PRKAG2: variants seen among roughly 807,000 people sequenced by gnomAD.
PRKAG2 encodes the protein 5'-AMP-activated protein kinase subunit gamma-2.
Under a neutral mutation model 69.6 loss-of-function variants are expected in PRKAG2, and 26 were observed. The ratio of observed to expected loss-of-function variants is 0.37; its 90% confidence interval spans 0.27 to 0.52. The LOEUF (loss-of-function observed/expected upper bound fraction) is 0.52, where lower values mean the gene tolerates loss of function less well. Ranked by LOEUF, PRKAG2 falls within the 20% of genes least tolerant of loss-of-function variation. The probability of loss-of-function intolerance (pLI) is 0.90; values close to 1 mark genes in which losing one functional copy is unlikely to be tolerated. For missense variants in PRKAG2, 557 were observed against 740.0 expected (o/e 0.75, Z 2.87); for synonymous variants, 293 against 285.0 (o/e 1.03, Z -0.28).
At chr7:151,631,906 C>T (rs1423403035) in intron 5 of PRKAG2, 163 bp downstream of exon 5, 1 of 679,784 alleles carries the variant, frequency 1.5e-6, no homozygotes, top group Non-Finnish European at 2.1e-6. Flanking sequence ...CTCGCCGGCG[C>T]CCGCATCCCC....
chr7:151,782,686 C>T (rs1283057353), intron 2 of PRKAG2, among the ~76,000 whole-genome samples: 1 of 152,190 alleles, frequency 6.6e-6, no homozygotes, highest in Non-Finnish European at 1.5e-5. Context: ...CCAACCTGGG[C>T]ATGTTACTTG....
At position 151,756,690 on chromosome 7, in the gene PRKAG2, C is replaced by A. The variant is rs990856104; in HGVS notation, c.466+24462G>T. Among the ~76,000 whole-genome samples, 1 of 152,176 alleles carries A rather than the reference C, an allele frequency of 6.6e-6. No homozygotes were observed. The highest frequency in any genetic ancestry group is 6.5e-5 in the Admixed American group (1 of 15,288). The stretch of plus-strand genomic sequence containing the variant: ...GTTCCAGCCCCGCCAGGGCTCCCAG[C>A]GCCGCCCTCTTCCCTTCTCCCACCT... On this transcript the variant is annotated intron_variant, in intron 3 of 15. Coordinates refer to ENST00000287878, the MANE Select transcript of PRKAG2 (RefSeq NM_016203.4). This position sits in a 1 kb window ranked among gnomAD's most constrained non-coding sequence, Gnocchi z 4.9.
At chr7:151,559,022 C>T (rs1168755242) in intron 15 of PRKAG2, 64 of 985,302 alleles carry the variant, frequency 6.5e-5, no homozygotes, top group Non-Finnish European at 7.5e-5. Context: ...GGGCTGGAAA[C>T]GGGGCATCTT....
intron 3 of PRKAG2, among the ~76,000 whole-genome samples, chr7:151,683,619 G>A (rs977730673): frequency 2.0e-5 from 3 of 152,204 alleles, no homozygotes; most frequent in Non-Finnish European, 4.4e-5. Flanking sequence ...TGCTTATACA[G>A]GGTTTTGAAA....
chr7:151,842,764 ATGGTAGGTAGTGATAGTAAGTAGCGG>A (rs1217744645), intron 1 of PRKAG2, among the ~76,000 whole-genome samples: 2 of 151,696 alleles, frequency 1.3e-5, no homozygotes, highest in Non-Finnish European at 2.9e-5. Context: ...ATGGGTAGTG[ATGGTAGGTAGTGATAGTAAGTAGCGG>A]TGGTAGCATG....
intron 6 of PRKAG2, among the ~76,000 whole-genome samples, chr7:151,590,864 T>A (rs1179072083): frequency 6.6e-6 from 1 of 152,242 alleles, no homozygotes; most frequent in Non-Finnish European, 1.5e-5. Flanking sequence ...TATGAGAAAT[T>A]GTTCATTAAC....
intron 3 of PRKAG2, among the ~76,000 whole-genome samples, chr7:151,721,336 A>G (rs894561669): frequency 6.6e-6 from 1 of 152,062 alleles, no homozygotes; most frequent in Non-Finnish European, 1.5e-5. Context: ...CCTTCTGCCT[A>G]CAACTGGAGC....
At chr7:151,598,838 CAATT>C (rs1815274654) in intron 5 of PRKAG2, among the ~76,000 whole-genome samples, 3 of 150,438 alleles carry the variant, frequency 2.0e-5, no homozygotes, top group East Asian at 3.9e-4. Flanking sequence ...AGCTAATTGA[CAATT>C]TATTTTTTTA....
chr7:151,762,282 C>T (rs1438526665), intron 3 of PRKAG2, among the ~76,000 whole-genome samples: 4 of 152,320 alleles, frequency 2.6e-5, no homozygotes, highest in East Asian at 1.9e-4. Flanking sequence ...AATGACTTTC[C>T]GCAGTAGGCA....
chr7:151,839,112 G>A (rs2079216954), intron 1 of PRKAG2, among the ~76,000 whole-genome samples: 1 of 151,964 alleles, frequency 6.6e-6, no homozygotes, highest in Admixed American at 6.6e-5. Context: ...TTTCCTGAAC[G>A]GCTAGGCAGG....
chr7:151,663,507 C>T (rs576846906), intron 4 of PRKAG2, among the ~76,000 whole-genome samples: 5 of 152,162 alleles, frequency 3.3e-5, no homozygotes, highest in Non-Finnish European at 7.3e-5. Context: ...GGACTACAGG[C>T]GTGCACCACC....
chr7:151,697,576 C>A (rs1836898881), intron 3 of PRKAG2, among the ~76,000 whole-genome samples: 1 of 152,148 alleles, frequency 6.6e-6, no homozygotes, highest in South Asian at 2.1e-4. Flanking sequence ...ATGCCCAACC[C>A]TCATAAGGTC....
Position 151,832,252 on chromosome 7 carries a change from GGAGGAGGGAAGGA to G in PRKAG2, c.114+44242_114+44254del, listed in dbSNP as rs2079047864. Among the ~76,000 whole-genome samples the G allele has an allele frequency of 5.6e-5, 2 of 35,730 alleles. 1 individual carries two copies. Among genetic ancestry groups the G allele is most frequent in the African/African-American group, 1.3e-4 (2 of 15,960 alleles). The allele number at this position is 35,730 out of a possible 152,430, so 23.4% of individuals were successfully genotyped here. Reference sequence around the variant, plus strand: ...GGAAGGAGAGGAGGAGGGAAGGAAGGGAGGAGGGAAGGAAGGGAGGAGGGAAGGAAGGGAGGAG... The same window carrying G: ...GGAAGGAGAGGAGGAGGGAAGGAAGGAGGGAGGAGGGAAGGAAGGGAGGAG... On this transcript the variant is annotated intron_variant, in intron 1 of 15. Coordinates refer to ENST00000287878, the MANE Select transcript of PRKAG2 (RefSeq NM_016203.4).
intron 1 of PRKAG2, among the ~76,000 whole-genome samples, chr7:151,797,851 C>T (rs1196446139): frequency 5.9e-5 from 9 of 152,228 alleles, no homozygotes; most frequent in Admixed American, 3.9e-4. Flanking sequence ...GCTCTTCACA[C>T]TGACAGTCCC....
intron 3 of PRKAG2, among the ~76,000 whole-genome samples, chr7:151,779,351 C>A (rs992913109): frequency 6.6e-6 from 1 of 152,222 alleles, no homozygotes; most frequent in African/African-American, 2.4e-5. Context: ...CACTGCTGGG[C>A]TCCCAAAGGG....
chr7:151,580,375 C>T (rs1046442636), intron 6 of PRKAG2, among the ~76,000 whole-genome samples: 1 of 151,972 alleles, frequency 6.6e-6, no homozygotes, highest in Non-Finnish European at 1.5e-5. Context: ...TTAAGGAGTC[C>T]TCTGCACTGA....
intron 1 of PRKAG2, among the ~76,000 whole-genome samples, chr7:151,831,150 G>A (rs1353239465): frequency 1.3e-5 from 2 of 152,132 alleles, no homozygotes; most frequent in Non-Finnish European, 2.9e-5. Context: ...AATGTAAAAG[G>A]GTGCTGCCAG....
At position 151,777,779 on chromosome 7, in the gene PRKAG2, T is replaced by C. The variant is rs973625552; in HGVS notation, c.466+3373A>G. Among the ~76,000 whole-genome samples, 10 of 152,286 alleles carry C rather than the reference T, an allele frequency of 6.6e-5. No individual in the cohort carries two copies. Among genetic ancestry groups the C allele is most frequent in the Admixed American group, 5.9e-4 (9 of 15,304 alleles). On this transcript the variant is annotated intron_variant, in intron 3 of 15. Coordinates refer to ENST00000287878, the MANE Select transcript of PRKAG2 (RefSeq NM_016203.4). This position sits in a 1 kb window ranked among gnomAD's most constrained non-coding sequence, Gnocchi z 4.3. Reference sequence around the variant, plus strand: ...TTTAATTTGAAAGCAAGGATGATAATAGTACCTCCCTGAAACCAACTGTTC... The same window carrying C: ...TTTAATTTGAAAGCAAGGATGATAACAGTACCTCCCTGAAACCAACTGTTC...
intron 4 of PRKAG2, among the ~76,000 whole-genome samples, chr7:151,649,620 A>G (rs1399241495): frequency 6.6e-6 from 1 of 152,096 alleles, no homozygotes; most frequent in Non-Finnish European, 1.5e-5. Context: ...TGAATGGTTT[A>G]GCACAATCCC....
Sources: allele counts gnomAD v4.1 joint callset (sites outside exome capture counted in the v4.1 genomes callset), GRCh38; gene constraint gnomAD v4.1.1; non-coding constraint Gnocchi (gnomAD v3.1); transcripts MANE v1.5; gene names NCBI Gene and HGNC (gene_info 2026-07-23, HGNC 2026-07-21).